The following PRICKLE1 variants were observed in gnomAD, a reference collection of about 807,000 sequenced individuals.
The protein encoded by PRICKLE1 is prickle planar cell polarity protein 1, also known as prickle-like protein 1.
Under a neutral mutation model 70.2 loss-of-function variants are expected in PRICKLE1, and 14 were observed. The ratio of observed to expected loss-of-function variants is 0.20; its 90% CI spans 0.13 to 0.31. The LOEUF (loss-of-function observed/expected upper bound fraction) is 0.31. Ranked by LOEUF, PRICKLE1 falls within the 10% of genes least tolerant of loss-of-function variation. PRICKLE1 has a pLI of 1.00. For synonymous variants in PRICKLE1, 357 were observed against 379.9 expected, an observed-to-expected ratio of 0.94 and a Z score of 0.70; for missense variants, 821 against 1,026.2, an observed-to-expected ratio of 0.80 and a Z score of 2.73.
At chr12:42,570,228 T>G (rs1276818619) in intron 1 of PRICKLE1, among the ~76,000 whole-genome samples, 1 of 152,230 alleles carries the variant, frequency 6.6e-6, no homozygotes, top group Non-Finnish European at 1.5e-5. Context: ...ACTCCATGCT[T>G]AAGTAACTAC....
chr12:42,560,481 C>T (rs1940492535), intron 1 of PRICKLE1, among the ~76,000 whole-genome samples: 1 of 151,054 alleles, frequency 6.6e-6, no homozygotes, highest in East Asian at 1.9e-4. Context: ...AGTATTCAAA[C>T]TTATACCATT....
intron 1 of PRICKLE1, among the ~76,000 whole-genome samples, chr12:42,588,539 TC>T (rs1941021122): frequency 6.6e-6 from 1 of 151,962 alleles, no homozygotes; most frequent in Admixed American, 6.6e-5. Context: ...TTAGGCTGGT[TC>T]CCGTGGTGTG....
chr12:42,465,153 A>G lies in PRICKLE1; in HGVS notation c.881T>C (p.Leu294Pro). The G allele has an allele frequency of 6.3e-7, 1 of 1,588,998 alleles. No homozygotes were observed. Among genetic ancestry groups the G allele is most frequent in the Non-Finnish European group, 8.5e-7 (1 of 1,172,058 alleles). Reference protein sequence around the residue: ...CKASLLGCPFLPKQGQIYCSK... With the variant: ...CKASLLGCPFPPKQGQIYCSK... The stretch of plus-strand genomic sequence containing the variant: ...GCAGTAAATCTGACCCTGTTTGGGA[A>G]GGAAGGGACATCCCAACAAAGAGGC... The change falls in exon 7 of 8, where the codon CTT becomes CCT. Residue 294 changes from leucine to proline, a missense_variant. Coordinates refer to ENST00000345127, the MANE Select transcript of PRICKLE1 (RefSeq NM_153026.3).
At chr12:42,563,481 C>T (rs1457117324) in intron 1 of PRICKLE1, among the ~76,000 whole-genome samples, 3 of 151,344 alleles carry the variant, frequency 2.0e-5, no homozygotes, top group East Asian at 2.0e-4. Flanking sequence ...GGGCAGACCA[C>T]GAGATCAGGA....
intron 1 of PRICKLE1, among the ~76,000 whole-genome samples, chr12:42,519,330 G>A (rs1939667779): frequency 6.6e-6 from 1 of 151,388 alleles, no homozygotes. Flanking sequence ...CCGAGTAGCT[G>A]GGATAATAGA....
chr12:42,560,037 C>A (rs1316278026), intron 1 of PRICKLE1, among the ~76,000 whole-genome samples: 1 of 151,310 alleles, frequency 6.6e-6, no homozygotes, highest in African/African-American at 2.4e-5. Flanking sequence ...GAACAGGAAC[C>A]AGCTCTTCAA....
At chr12:42,472,328 A>T (rs73273986) in intron 2 of PRICKLE1, 57 bp downstream of exon 2, 1 of 1,594,794 alleles carries the variant, frequency 6.3e-7, no homozygotes, top group Non-Finnish European at 8.6e-7. Flanking sequence ...ATAATGTTCT[A>T]AAGTCTGAAC....
intron 1 of PRICKLE1, among the ~76,000 whole-genome samples, chr12:42,564,142 C>T (rs565903666): frequency 4.0e-5 from 6 of 150,954 alleles, no homozygotes; most frequent in Non-Finnish European, 8.8e-5. Flanking sequence ...CCTGTAGTCC[C>T]AGCTACTTGG....
chr12:42,514,933 CTAT>C (rs1939581047), intron 1 of PRICKLE1, among the ~76,000 whole-genome samples: 1 of 135,560 alleles, frequency 7.4e-6, no homozygotes, highest in African/African-American at 2.6e-5. Flanking sequence ...ATCTATCTAT[CTAT>C]CTATATTTTT....
chr12:42,460,890 T>C (rs922209948), intron 7 of PRICKLE1, among the ~76,000 whole-genome samples: 3 of 148,806 alleles, frequency 2.0e-5, no homozygotes, highest in Non-Finnish European at 4.5e-5. Context: ...TGTTTTTTTG[T>C]TTTGTTTTGA....
At chr12:42,574,357 C>CA in intron 1 of PRICKLE1, among the ~76,000 whole-genome samples, 1 of 151,892 alleles carries the variant, frequency 6.6e-6, no homozygotes, top group East Asian at 1.9e-4. Flanking sequence ...CATTCAGCAA[C>CA]AAAAAAAAGT....
chr12:42,556,616 A>G, intron 1 of PRICKLE1, among the ~76,000 whole-genome samples: 1 of 152,174 alleles, frequency 6.6e-6, no homozygotes, highest in East Asian at 1.9e-4. Context: ...AGTACGAAGT[A>G]GGGACCTTAA....
intron 1 of PRICKLE1, among the ~76,000 whole-genome samples, chr12:42,526,302 CTGT>C: frequency 6.6e-6 from 1 of 151,774 alleles, no homozygotes; most frequent in Non-Finnish European, 1.5e-5. Flanking sequence ...AGAGGGACAA[CTGT>C]ATGCTTGTAT....
intron 1 of PRICKLE1, among the ~76,000 whole-genome samples, chr12:42,515,823 C>G (rs1485519492): frequency 6.6e-6 from 1 of 152,122 alleles, no homozygotes; most frequent in Non-Finnish European, 1.5e-5. Flanking sequence ...CTTTTATGTT[C>G]CAGTATTCTA....
At chr12:42,503,915 TTTAGTTAAGTAGCAAAGGGA>T (rs2140185070) in intron 1 of PRICKLE1, among the ~76,000 whole-genome samples, 1 of 152,274 alleles carries the variant, frequency 6.6e-6, no homozygotes, top group South Asian at 2.1e-4. Context: ...GTTCTGGTTA[TTTAGTTAAGTAGCAAAGGGA>T]ATTCTTGGGG....
chr12:42,460,616 C>T lies in PRICKLE1; in HGVS notation c.1689G>A (p.Leu563=), dbSNP rs1937791291. 1.2e-6 allele frequency: 2 copies of T among 1,612,962 alleles called. No homozygotes were observed. The highest frequency in any genetic ancestry group is 1.7e-6 in the Non-Finnish European group (2 of 1,180,018). Residue 563 remains leucine (L), a synonymous_variant, in exon 8 of 8, where the codon CTG becomes CTA. Coordinates refer to ENST00000345127, the MANE Select transcript of PRICKLE1 (RefSeq NM_153026.3). ...ENKPRPSLYS[L]QNFEEMETED... ...CTGTTTCCATCTCCTCAAAATTTTG[C>T]AGAGAATACAATGATGGCCTTGGCT... is the stretch of plus-strand genomic sequence containing the variant.
intron 1 of PRICKLE1, among the ~76,000 whole-genome samples, chr12:42,544,055 GAGA>G (rs1156633295): frequency 2.4e-5 from 3 of 124,450 alleles, no homozygotes; most frequent in African/African-American, 8.8e-5. Context: ...CAAGTAGGTT[GAGA>G]AGAAGGAAGA....
At chr12:42,585,766 C>A (rs1326870029) in intron 1 of PRICKLE1, among the ~76,000 whole-genome samples, 2 of 152,150 alleles carry the variant, frequency 1.3e-5, no homozygotes, top group Non-Finnish European at 2.9e-5. Flanking sequence ...TTCATCAACA[C>A]GTAGGTAATT....
intron 1 of PRICKLE1, among the ~76,000 whole-genome samples, chr12:42,580,877 AGAG>A (rs1159323386): frequency 6.6e-6 from 1 of 152,124 alleles, no homozygotes; most frequent in African/African-American, 2.4e-5. Flanking sequence ...AATGAACAAA[AGAG>A]AAAGGAAGGA....
Sources: gnomAD v4.1 joint callset for allele counts (sites outside exome capture counted in the v4.1 genomes callset) on GRCh38, gnomAD v4.1.1 for gene constraint, MANE v1.5 for transcripts, NCBI Gene and HGNC (gene_info 2026-07-23, HGNC 2026-07-21) for gene names.